The following ASIC2 variants were observed in gnomAD, a reference collection of about 807,000 sequenced individuals.
The protein encoded by ASIC2 is acid-sensing ion channel 2.
Under a neutral mutation model 57.3 loss-of-function variants are expected in ASIC2, and 25 were observed. The ratio of observed to expected loss-of-function variants is 0.44; its 90% CI spans 0.32 to 0.61. ASIC2 has a LOEUF of 0.61. ASIC2 is among the 20% of genes least tolerant of loss of function. The probability of loss-of-function intolerance (pLI) is 0.06; values close to 1 mark genes in which losing one functional copy is unlikely to be tolerated. For missense variants in ASIC2, 641 were observed against 738.1 expected, an observed-to-expected ratio of 0.87 and a Z score of 1.52; for synonymous variants, 319 against 307.5, an observed-to-expected ratio of 1.04 and a Z score of -0.39.
chr17:33,122,584 A>G (rs2092307226), intron 1 of ASIC2, among the ~76,000 whole-genome samples: 1 of 152,192 alleles, frequency 6.6e-6, no homozygotes, highest in Admixed American at 6.5e-5. Flanking sequence ...CAATACATGT[A>G]TACATTGTGC....
chr17:33,532,402 A>T (rs569983793), intron 1 of ASIC2, among the ~76,000 whole-genome samples: 18 of 152,354 alleles, frequency 1.2e-4, no homozygotes, highest in African/African-American at 4.1e-4. Flanking sequence ...GGAAGTCTGC[A>T]TGTGTCAGCT....
chr17:34,108,636 T>G (rs1412193236), intron 1 of ASIC2, among the ~76,000 whole-genome samples: 1 of 152,162 alleles, frequency 6.6e-6, no homozygotes, highest in Non-Finnish European at 1.5e-5. Context: ...TAAGTGCCAA[T>G]TAGGTCCAAG....
chr17:33,495,013 C>T (rs1913882773), intron 1 of ASIC2, among the ~76,000 whole-genome samples: 1 of 152,132 alleles, frequency 6.6e-6, no homozygotes, highest in Admixed American at 6.5e-5. Context: ...ATCAGAACCA[C>T]CTGCAAAGAA....
chr17:33,291,654 G>T lies in ASIC2; in HGVS notation c.462C>A (p.Ala154=), dbSNP rs945526715. The T allele has an allele frequency of 3.7e-6, 6 of 1,611,592 alleles. No individual in the cohort carries two copies. In the Admixed American group the frequency reaches 6.7e-5, roughly 18 times the overall value. Residue 154 remains alanine (A), a synonymous_variant, in exon 1 of 10, where the codon GCC becomes GCA. Coordinates refer to ENST00000225823, the MANE Select transcript of ASIC2 (RefSeq NM_183377.2). ...GCAGCAGCAGCCCGAGCCAGTGGCC[G>T]GCATAGTAGAGGTCCCCCTTGGAGA... ...PRLSKGDLYY[A]GHWLGLLLPN...
At chr17:33,678,676 G>A (rs954308444) in intron 1 of ASIC2, among the ~76,000 whole-genome samples, 4 of 152,164 alleles carry the variant, frequency 2.6e-5, no homozygotes, top group South Asian at 2.1e-4. Context: ...GTCAGAGGGC[G>A]TGTTCCCTGA....
chr17:33,245,913 G>T (rs1908672276), intron 1 of ASIC2, among the ~76,000 whole-genome samples: 1 of 152,134 alleles, frequency 6.6e-6, no homozygotes, highest in South Asian at 2.1e-4. Context: ...CTCTGGGCCA[G>T]GCACAATAGT....
chr17:33,851,252 AG>A (rs1291498256), intron 1 of ASIC2, among the ~76,000 whole-genome samples: 1 of 152,044 alleles, frequency 6.6e-6, no homozygotes, highest in African/African-American at 2.4e-5. Context: ...CCACCAGGGG[AG>A]GGCCCTAGGC....
At chr17:33,578,739 T>C (rs919488546) in intron 1 of ASIC2, among the ~76,000 whole-genome samples, 2 of 152,168 alleles carry the variant, frequency 1.3e-5, no homozygotes, top group African/African-American at 4.8e-5. Context: ...GGGGCACTAA[T>C]GGCTTTTCAA....
In ASIC2 at chr17:34,156,726, T is replaced by C; in HGVS notation, c.-194A>G. 1.7e-6 allele frequency: 1 copy of C among 590,168 alleles called. No individual in the cohort carries two copies. Among genetic ancestry groups the C allele is most frequent in the Non-Finnish European group, 2.9e-6 (1 of 344,006 alleles). The allele number at this position is 590,168 out of a possible 1,614,324, so 36.6% of individuals were successfully genotyped here. A position where few individuals can be genotyped will look rare whatever the true frequency, so the allele number is the denominator to read the frequency against. On this transcript the variant is annotated 5_prime_UTR_variant, in exon 1 of 10. Transcript: ENST00000359872. The surrounding 1 kb of genome is among the most constrained non-coding windows in gnomAD (Gnocchi z 4.4). Reference sequence around the variant, plus strand: ...GGGTGAGTGTTTATATAAAACCCATTCAAACTCTAGCTCTTGATTTTTTCC... The same window carrying C: ...GGGTGAGTGTTTATATAAAACCCATCCAAACTCTAGCTCTTGATTTTTTCC...
chr17:33,462,764 T>A (rs1258548975), intron 1 of ASIC2, among the ~76,000 whole-genome samples: 1 of 152,224 alleles, frequency 6.6e-6, no homozygotes, highest in East Asian at 1.9e-4. Context: ...TGGAGGTAAA[T>A]GAAACATTGA....
At chr17:33,716,017 CAT>C (rs947985473) in intron 1 of ASIC2, among the ~76,000 whole-genome samples, 1 of 152,180 alleles carries the variant, frequency 6.6e-6, no homozygotes, top group Admixed American at 6.5e-5. Context: ...TCCATTGCCA[CAT>C]AGAGTTAATC....
At chr17:33,697,206 T>C (rs972613440) in intron 1 of ASIC2, among the ~76,000 whole-genome samples, 1 of 152,200 alleles carries the variant, frequency 6.6e-6, no homozygotes, top group African/African-American at 2.4e-5. Context: ...CTGTACAGCC[T>C]GCAGAATGAT....
chr17:33,170,886 C>T (rs1905491560), intron 1 of ASIC2, among the ~76,000 whole-genome samples: 2 of 152,212 alleles, frequency 1.3e-5, no homozygotes, highest in South Asian at 4.1e-4. Flanking sequence ...GTTTGCACAG[C>T]CCTGATCAAT....
intron 1 of ASIC2, among the ~76,000 whole-genome samples, chr17:33,670,594 A>G (rs185449773): frequency 7.2e-5 from 11 of 152,358 alleles, no homozygotes; most frequent in Non-Finnish European, 1.2e-4. Flanking sequence ...TGATCAGGCA[A>G]TGAACTACTG....
At chr17:34,085,634 T>A (rs1032775019) in intron 1 of ASIC2, among the ~76,000 whole-genome samples, 2 of 152,156 alleles carry the variant, frequency 1.3e-5, no homozygotes, top group African/African-American at 4.8e-5. Context: ...TCCTTGTACC[T>A]CTGGTAGAAT....
chr17:33,660,629 TTGTA>T (rs1228888825), intron 1 of ASIC2, among the ~76,000 whole-genome samples: 1 of 152,224 alleles, frequency 6.6e-6, no homozygotes, highest in African/African-American at 2.4e-5. Flanking sequence ...CTGTACATAA[TTGTA>T]TGTGCTGTGC....
At chr17:33,173,930 C>G (rs770770513) in intron 1 of ASIC2, among the ~76,000 whole-genome samples, 8 of 152,176 alleles carry the variant, frequency 5.3e-5, no homozygotes, top group Admixed American at 1.3e-4. Context: ...ATGAGAGTAG[C>G]CTTTGAAGTG....
At chr17:33,271,466 G>A (rs949311361) in intron 1 of ASIC2, among the ~76,000 whole-genome samples, 6 of 151,884 alleles carry the variant, frequency 4.0e-5, no homozygotes, top group Non-Finnish European at 7.4e-5. Context: ...CATTGAATTC[G>A]CCTCCCACCT....
At chr17:33,610,058 A>G (rs541112613) in intron 1 of ASIC2, among the ~76,000 whole-genome samples, 386 of 141,118 alleles carry the variant, frequency 2.7e-3, no homozygotes, top group South Asian at 4.0e-3. Flanking sequence ...AGAGGCGCAC[A>G]CACACACACA....
Sources: gnomAD v4.1 joint callset for allele counts (sites outside exome capture counted in the v4.1 genomes callset) on GRCh38, gnomAD v4.1.1 for gene constraint, Gnocchi (gnomAD v3.1) non-coding constraint, MANE v1.5 for transcripts, NCBI Gene and HGNC (gene_info 2026-07-23, HGNC 2026-07-21) for gene names.